Variants in PKHD1L1 observed in about 807,000 individuals in gnomAD.
PKHD1L1 encodes the protein fibrocystin-L.
PKHD1L1 carries 434 observed loss-of-function variants against 462.9 expected under a neutral mutation model. That is an observed-to-expected ratio of 0.94 (90% CI 0.87 to 1.02). The LOEUF is 1.02. Among genes scored for constraint, PKHD1L1 ranks in the 50% least tolerant of loss-of-function variants. The pLI is 0.00. For synonymous variants in PKHD1L1, 1,781 were observed against 1,750.0 expected, an observed-to-expected ratio of 1.02 and a Z score of -0.44; for missense variants, 5,202 against 5,096.1, an observed-to-expected ratio of 1.02 and a Z score of -0.63.
At chr8:109,449,633 C>A in intron 40 of PKHD1L1, 146 bp downstream of exon 40, 2 of 601,326 alleles carry the variant, frequency 3.3e-6, no homozygotes, top group Non-Finnish European at 5.1e-6. Flanking sequence ...TTCTTCAGGA[C>A]ATTTTCTAGA....
Position 109,439,022 on chromosome 8 carries a change from T to C in PKHD1L1, c.3886T>C (p.Leu1296=). 1.2e-6 allele frequency: 2 copies of C among 1,613,688 alleles called. No homozygotes were observed. Among genetic ancestry groups the C allele is most frequent in the Non-Finnish European group, 8.5e-7 (1 of 1,179,656 alleles). The change falls in exon 32 of 78, where the codon TTG becomes CTG. Residue 1296 remains leucine, a synonymous_variant. Coordinates refer to ENST00000378402, the MANE Select transcript of PKHD1L1 (RefSeq NM_177531.6). ...HWNFTDIRCL[L]PKLSPGKHDI... ...GAACTTCACAGATATTAGATGCCTT[T>C]TGCCCAAGTTGTCTCCTGGAAAACA...
rs765968411 is a variant in PKHD1L1 at position 109,409,974 on chromosome 8, A to G, written c.2081A>G (p.Asn694Ser). Residue 694 changes from asparagine to serine, a missense_variant, in exon 19 of 78, where the codon AAT (asparagine) becomes AGT (serine). Around this residue, in one of 3 missense-constraint regions of PKHD1L1, gnomAD observed 4,497 missense variants for 4,336.8 expected, o/e 1.04. Transcript: ENST00000378402. ...KYFRDYETDF[N>S]LEHINRGQKT... ...TTCAGAGACTATGAAACTGATTTTA[A>G]TCTGGTATGAAATATTTAATGAACT... 2.6e-6 allele frequency: 4 copies of G among 1,513,684 alleles called. No homozygotes were observed. In the African/African-American group the frequency reaches 4.2e-5, roughly 16 times the overall value. 93.8% of individuals were successfully genotyped at this position (1,513,684 alleles called of 1,614,324 possible).
chr8:109,381,444 T>G lies in PKHD1L1; in HGVS notation c.238T>G (p.Ser80Ala), dbSNP rs759552162. Residue 80 changes from serine (S) to alanine (A), a missense_variant, in exon 3 of 78, where the codon TCT becomes GCT. Coordinates refer to ENST00000378402, the MANE Select transcript of PKHD1L1 (RefSeq NM_177531.6). ...GGGAAACAGTGTGCAATTAATTTCT[T>G]CTTTCCAGTCAATTACTTGTGATGT... ...ELGNSVQLIS[S>A]FQSITCDVEK... The G allele has an allele frequency of 1.3e-5, 20 of 1,583,256 alleles. No homozygotes were observed. Among genetic ancestry groups the G allele is most frequent in the Non-Finnish European group, 1.7e-5 (20 of 1,162,468 alleles).
chr8:109,466,631 T>G lies in PKHD1L1; in HGVS notation c.8467T>G (p.Cys2823Gly). ...PHSSLLDPSH[C>G]TQEAEWSIGF... Reference sequence around the variant, plus strand: ...CAGCTCATTGCTAGACCCTTCTCATTGTACTCAGGAAGCTGAGTGGAGCAT... The same window carrying G: ...CAGCTCATTGCTAGACCCTTCTCATGGTACTCAGGAAGCTGAGTGGAGCAT... The change falls in exon 50 of 78, where the codon TGT becomes GGT. Residue 2823 changes from cysteine (C) to glycine (G), a missense_variant. Cys to Gly is a radical substitution (Grantham distance 159). Around this residue, in one of 3 missense-constraint regions of PKHD1L1, gnomAD observed 4,497 missense variants for 4,336.8 expected, o/e 1.04. Transcript: ENST00000378402. 2 of 1,610,594 alleles carry G rather than the reference T, an allele frequency of 1.2e-6. No individual in the cohort carries two copies. Among genetic ancestry groups the G allele is most frequent in the African/African-American group, 1.3e-5 (1 of 74,978 alleles).
At chr8:109,389,228 C>T in intron 8 of PKHD1L1, 76 bp downstream of exon 8, 4 of 1,120,116 alleles carry the variant, frequency 3.6e-6, no homozygotes, top group Non-Finnish European at 5.2e-6. Context: ...TCTCCTAGAC[C>T]TCCCTCCTCT....
In PKHD1L1 at chr8:109,507,865, A is replaced by T. The variant is rs1432527468; in HGVS notation, c.11197A>T (p.Ile3733Phe). 2 of 1,613,588 alleles carry T rather than the reference A, an allele frequency of 1.2e-6. No homozygotes were observed. The highest frequency in any genetic ancestry group is 1.7e-6 in the Non-Finnish European group (2 of 1,179,652). Residue 3733 changes from isoleucine to phenylalanine, a missense_variant, in exon 69 of 78, where the codon ATT becomes TTT. By Grantham distance (21) the Ile-to-Phe change is conservative. This residue lies in a region of PKHD1L1 where 698 missense variants were observed against 736.3 expected (regional missense o/e 0.95). Coordinates refer to ENST00000378402, the MANE Select transcript of PKHD1L1 (RefSeq NM_177531.6). Reference sequence around the variant, plus strand: ...GCTCACATTCTTGAATGGAAGTAGAATTCCTGTCACTGAGAAAGCACCTCA... The same window carrying T: ...GCTCACATTCTTGAATGGAAGTAGATTTCCTGTCACTGAGAAAGCACCTCA... ...AMLTFLNGSR[I>F]PVTEKAPHKG...
intron 70 of PKHD1L1, among the ~76,000 whole-genome samples, chr8:109,510,005 ATGTT>A (rs1471541193): frequency 3.3e-5 from 5 of 152,116 alleles, no homozygotes; most frequent in African/African-American, 9.7e-5. Flanking sequence ...TGCTCAGAAA[ATGTT>A]TGGATTCAGG....
At chr8:109,377,106 C>G (rs1428373158) in intron 2 of PKHD1L1, among the ~76,000 whole-genome samples, 1 of 152,156 alleles carries the variant, frequency 6.6e-6, no homozygotes, top group East Asian at 1.9e-4. Flanking sequence ...GCAGTTGTAC[C>G]ACAGATATCT....
Position 109,522,237 on chromosome 8 carries a change from C to G in PKHD1L1, c.12083C>G (p.Ala4028Gly), listed in dbSNP as rs181620735. The change falls in exon 74 of 78, where the codon GCT becomes GGT. Residue 4028 changes from alanine (A) to glycine (G), a missense_variant. This residue lies in a region of PKHD1L1 where 698 missense variants were observed against 736.3 expected (regional missense o/e 0.95). Transcript: ENST00000378402. Reference protein sequence around the residue: ...LQEIAGSLGQAVILGNISSIL... With the variant: ...LQEIAGSLGQGVILGNISSIL... The stretch of plus-strand genomic sequence containing the variant: ...GAAATTGCTGGTTCTCTTGGACAAG[C>G]TGTAATTTTAGGAAACATCAGTAGT... 247 of 1,605,166 alleles carry G rather than the reference C, an allele frequency of 1.5e-4. 1 individual carries two copies. In the East Asian group the frequency reaches 5.3e-3, roughly 34 times the overall value.
chr8:109,435,191 A>C lies in PKHD1L1; in HGVS notation c.3342A>C (p.Glu1114Asp), dbSNP rs1221664366. Residue 1114 changes from glutamate (E) to aspartate (D), a missense_variant and splice_region_variant, in exon 29 of 78, where the codon GAA becomes GAC. Coordinates refer to ENST00000378402, the MANE Select transcript of PKHD1L1 (RefSeq NM_177531.6). ...TCATCTTTTTCTTTTTTTCACAAGA[A>C]AAAGAGCTCAAGTGCCAGATTCTGA... ...PVGCSLLSVD[E>D]KELKCQILNG... 6.2e-7 allele frequency: 1 copy of C among 1,611,984 alleles called. No individual in the cohort carries two copies. Among genetic ancestry groups the C allele is most frequent in the African/African-American group, 1.3e-5 (1 of 74,802 alleles).
chr8:109,504,333 C>G lies in PKHD1L1; in HGVS notation c.10835C>G (p.Thr3612Arg). The change falls in exon 68 of 78, where the codon ACA (threonine) becomes AGA (arginine). Residue 3612 changes from threonine to arginine, a missense_variant. Around this residue, in one of 3 missense-constraint regions of PKHD1L1, gnomAD observed 7 missense variants for 23.0 expected, o/e 0.30. Transcript: ENST00000378402. ...TCTATTATTTATGTTTTAGGTTCAA[C>G]ATTTGTTGGATTTAAGAATGTTTGT... ...ISGLLDISGS[T>R]FVGFKNVCSG... is the part of the protein sequence containing the mutation. 7.0e-7 allele frequency: 1 copy of G among 1,423,166 alleles called. No individual in the cohort carries two copies. The highest frequency in any genetic ancestry group is 9.4e-7 in the Non-Finnish European group (1 of 1,058,430). The allele number at this position is 1,423,166 out of a possible 1,614,324, so 88.2% of individuals were successfully genotyped here.
At chr8:109,431,460 C>T (rs1038110428) in intron 27 of PKHD1L1, among the ~76,000 whole-genome samples, 2 of 152,070 alleles carry the variant, frequency 1.3e-5, no homozygotes, top group African/African-American at 4.8e-5. Flanking sequence ...ACATAACTCT[C>T]GAGGGACAAT....
intron 49 of PKHD1L1, among the ~76,000 whole-genome samples, chr8:109,466,307 C>T (rs1817435439): frequency 6.6e-6 from 1 of 152,168 alleles, no homozygotes; most frequent in African/African-American, 2.4e-5. Flanking sequence ...GAATAGGCTA[C>T]TCATCCCACT....
Position 109,452,762 on chromosome 8 carries a change from C to A in PKHD1L1, c.6552C>A (p.Phe2184Leu). 6.5e-7 allele frequency: 1 copy of A among 1,542,006 alleles called. No homozygotes were observed. The highest frequency in any genetic ancestry group is 8.7e-7 in the Non-Finnish European group (1 of 1,145,108). The change falls in exon 43 of 78, where the codon TTC (phenylalanine) becomes TTA (leucine). Residue 2184 changes from phenylalanine (F) to leucine (L), a missense_variant. Phe to Leu is a conservative substitution (Grantham distance 22). This residue lies in a region of PKHD1L1 where 4,497 missense variants were observed against 4,336.8 expected (regional missense o/e 1.04). Coordinates refer to ENST00000378402, the MANE Select transcript of PKHD1L1 (RefSeq NM_177531.6). ...FLYVDAWSSN[F>L]SWGGKSPPEE... Reference sequence around the variant, plus strand: ...ATGTTGATGCCTGGTCCTCCAATTTCTCATGGGGGGGAAAATCTCCCCCAG... The same window carrying A: ...ATGTTGATGCCTGGTCCTCCAATTTATCATGGGGGGGAAAATCTCCCCCAG...
Position 109,476,654 on chromosome 8 carries a change from T to C in PKHD1L1, c.8904T>C (p.Thr2968=), listed in dbSNP as rs1818002316. ...GDWHLEANTS[T]LYYLVSGRND... ...GGCACCTTGAAGCAAACACTAGTAC[T>C]CTATATTACTTGGGTATGTGTCATT... The change falls in exon 52 of 78, where the codon ACT becomes ACC. Residue 2968 remains threonine (T), a synonymous_variant. Transcript: ENST00000378402. 4 of 1,595,500 alleles carry C rather than the reference T, an allele frequency of 2.5e-6. No individual in the cohort carries two copies. The highest frequency in any genetic ancestry group is 3.4e-6 in the Non-Finnish European group (4 of 1,170,968).
At chr8:109,362,786 C>T (rs1811046415) in intron 1 of PKHD1L1, 133 bp downstream of exon 1, 3 of 949,242 alleles carry the variant, frequency 3.2e-6, no homozygotes, top group Non-Finnish European at 4.9e-6. Flanking sequence ...CATGACGATC[C>T]TGGGGACCAG....
At chr8:109,412,715 G>A (rs1813923666) in intron 20 of PKHD1L1, among the ~76,000 whole-genome samples, 1 of 151,886 alleles carries the variant, frequency 6.6e-6, no homozygotes, top group African/African-American at 2.4e-5. Flanking sequence ...AAATGTATAA[G>A]CTTCTTCATT....
intron 50 of PKHD1L1, 58 bp from the exon 51 acceptor site, chr8:109,475,060 G>C: frequency 3.4e-6 from 5 of 1,451,242 alleles, no homozygotes; most frequent in Non-Finnish European, 4.6e-6. Flanking sequence ...TTTACAAAAG[G>C]AGGAGTTTAT....
chr8:109,444,511 A>T, intron 37 of PKHD1L1, 150 bp from the exon 38 acceptor site: 1 of 692,336 alleles, frequency 1.4e-6, no homozygotes, highest in Non-Finnish European at 2.4e-6. Context: ...GAGATGCGTT[A>T]ATCAGCCCCT....
Sources: gnomAD v4.1 joint callset for allele counts (sites outside exome capture counted in the v4.1 genomes callset) on GRCh38, gnomAD v4.1.1 for gene constraint, gnomAD v4.1.1 regional missense constraint, MANE v1.5 for transcripts, NCBI Gene and HGNC (gene_info 2026-07-23, HGNC 2026-07-21) for gene names.